SCN8A: variants seen among roughly 807,000 people sequenced by gnomAD.
SCN8A encodes the protein sodium channel protein type 8 subunit alpha.
Under a neutral mutation model 184.1 loss-of-function variants are expected in SCN8A, and 30 were observed. The ratio of observed to expected loss-of-function variants is 0.16; its 90% CI spans 0.12 to 0.22. The LOEUF (loss-of-function observed/expected upper bound fraction) is 0.22. Among genes scored for constraint, SCN8A ranks in the 10% least tolerant of loss-of-function variants. The pLI, the probability that SCN8A is intolerant of heterozygous loss-of-function variation, is 1.00. For missense variants in SCN8A, 1,057 were observed against 2,498.9 expected (o/e 0.42, Z 12.30); for synonymous variants, 852 against 907.0 (o/e 0.94, Z 1.09).
chr12:51,705,330 C>T (rs1941764750), intron 9 of SCN8A, 87 bp from the exon 10 acceptor site: 1 of 1,210,324 alleles, frequency 8.3e-7, no homozygotes, highest in East Asian at 2.4e-5. Flanking sequence ...GCAAATAGTG[C>T]CCTTACAGAG....
intron 1 of SCN8A, among the ~76,000 whole-genome samples, chr12:51,642,439 A>G (rs931907471): frequency 2.6e-5 from 4 of 152,176 alleles, no homozygotes; most frequent in Admixed American, 2.6e-4. Context: ...ATGAGGTTGC[A>G]TTAATTTGTA....
intron 1 of SCN8A, among the ~76,000 whole-genome samples, chr12:51,642,352 C>A (rs1940474555): frequency 6.6e-6 from 1 of 152,152 alleles, no homozygotes; most frequent in Non-Finnish European, 1.5e-5. Flanking sequence ...AATATTTGCT[C>A]CTTTAAACTC....
At chr12:51,690,059 G>A (rs1159830732) in intron 6 of SCN8A, 1 of 152,160 alleles carries the variant, frequency 6.6e-6, no homozygotes, top group South Asian at 2.1e-4. Context: ...TTGCTACTGG[G>A]TAATACTTAT....
chr12:51,647,447 C>T (rs964404756), intron 1 of SCN8A, among the ~76,000 whole-genome samples: 5 of 152,002 alleles, frequency 3.3e-5, no homozygotes, highest in Non-Finnish European at 7.4e-5. Flanking sequence ...TGGAGTGAGA[C>T]GTAGGAAGGA....
At chr12:51,756,121 A>T (rs569798163) in intron 14 of SCN8A, among the ~76,000 whole-genome samples, 29 of 149,968 alleles carry the variant, frequency 1.9e-4, no homozygotes, top group Non-Finnish European at 7.4e-5. Flanking sequence ...CCCACACCAG[A>T]CTCTCCCCTG....
At chr12:51,605,209 C>T (rs1375188023) in intron 1 of SCN8A, among the ~76,000 whole-genome samples, 2 of 150,544 alleles carry the variant, frequency 1.3e-5, no homozygotes, top group Admixed American at 6.6e-5. Context: ...TTTGGTGTAC[C>T]CATCACCTGA....
At chr12:51,789,462 G>C in intron 24 of SCN8A, 44 bp downstream of exon 24, 2 of 1,599,590 alleles carry the variant, frequency 1.3e-6, no homozygotes, top group Non-Finnish European at 1.7e-6. Context: ...AGTCAGCCCA[G>C]ATAAGAGGCA....
chr12:51,612,929 G>T (rs1939753678), intron 1 of SCN8A, among the ~76,000 whole-genome samples: 1 of 152,000 alleles, frequency 6.6e-6, no homozygotes, highest in African/African-American at 2.4e-5. Context: ...CACCATATTG[G>T]CCAGACTGGT....
intron 12 of SCN8A, among the ~76,000 whole-genome samples, chr12:51,733,436 T>C (rs959711515): frequency 2.0e-5 from 3 of 152,242 alleles, no homozygotes; most frequent in Admixed American, 6.5e-5. Context: ...CTTTTTAATG[T>C]GTTGTTGAAC....
rs1218272463 is a variant in SCN8A, at chr12:51,762,568, T to C, written c.2436T>C (p.Tyr812=). The change falls in exon 15 of 27, where the codon TAT becomes TAC. Residue 812 remains tyrosine, a synonymous_variant. Transcript: ENST00000627620. ...TCATAGCCATGGATCCCTACTATTA[T>C]TTCCAAGAAGGTTGGAACATTTTTG... is the stretch of plus-strand genomic sequence containing the variant. The part of the protein sequence containing the change: ...LKLIAMDPYY[Y]FQEGWNIFDG... The C allele has an allele frequency of 6.2e-7, 1 of 1,613,552 alleles. No individual in the cohort carries two copies. The highest frequency in any genetic ancestry group is 8.5e-7 in the Non-Finnish European group (1 of 1,179,726).
At chr12:51,699,132 T>C (rs1019127114) in intron 6 of SCN8A, among the ~76,000 whole-genome samples, 32 of 152,222 alleles carry the variant, frequency 2.1e-4, no homozygotes, top group Non-Finnish European at 3.5e-4. Flanking sequence ...CAGAGAAGGC[T>C]TTCTGGAAGA....
At chr12:51,661,033 TAGGG>T (rs1431110064) in intron 1 of SCN8A, among the ~76,000 whole-genome samples, 2 of 152,150 alleles carry the variant, frequency 1.3e-5, no homozygotes, top group Non-Finnish European at 2.9e-5. Flanking sequence ...CTATTCCTGT[TAGGG>T]AGTAGTGGGA....
intron 1 of SCN8A, among the ~76,000 whole-genome samples, chr12:51,648,319 C>T (rs1592353629): frequency 6.6e-6 from 1 of 152,324 alleles, no homozygotes; most frequent in South Asian, 2.1e-4. Flanking sequence ...CCTCCTGCCT[C>T]AGCCTCCTCA....
rs182594940 is a variant in SCN8A at position 51,812,292 on chromosome 12, T to C, written c.*4863T>C. On this transcript the variant is annotated 3_prime_UTR_variant, in exon 27 of 27. Transcript: ENST00000627620. Reference sequence around the variant, plus strand: ...TGGTTCCAGAAAAGGGACAGAACTGTGTTCTGTCCCTAGCTTGACCGCTGG... The same window carrying C: ...TGGTTCCAGAAAAGGGACAGAACTGCGTTCTGTCCCTAGCTTGACCGCTGG... 1 of 153,966 alleles carries C rather than the reference T, an allele frequency of 6.5e-6. No individual in the cohort carries two copies. Among genetic ancestry groups the C allele is most frequent in the African/African-American group, 2.4e-5 (1 of 41,358 alleles). 9.5% of individuals were successfully genotyped at this position (153,966 alleles called of 1,614,324 possible). A position where few individuals can be genotyped will look rare whatever the true frequency, so the allele number is the denominator to read the frequency against.
chr12:51,779,674 G>A (rs1006691163), intron 20 of SCN8A, among the ~76,000 whole-genome samples: 1 of 152,074 alleles, frequency 6.6e-6, no homozygotes, highest in African/African-American at 2.4e-5. Context: ...TCTTGTGTAC[G>A]GGTCTCAATT....
At chr12:51,652,826 A>C (rs1336294937) in intron 1 of SCN8A, among the ~76,000 whole-genome samples, 1 of 152,184 alleles carries the variant, frequency 6.6e-6, no homozygotes, top group African/African-American at 2.4e-5. Context: ...CTTTATTGGA[A>C]GATTTACCAT....
At chr12:51,644,029 C>G (rs1338471578) in intron 1 of SCN8A, among the ~76,000 whole-genome samples, 2 of 152,180 alleles carry the variant, frequency 1.3e-5, no homozygotes, top group Non-Finnish European at 2.9e-5. Flanking sequence ...TTACTTTATT[C>G]AACACATAAT....
intron 12 of SCN8A, among the ~76,000 whole-genome samples, chr12:51,724,716 T>C (rs1326502572): frequency 1.3e-5 from 2 of 152,250 alleles, no homozygotes; most frequent in Non-Finnish European, 2.9e-5. Flanking sequence ...AATTTTGATA[T>C]ACTGGCAGTT....
chr12:51,776,972 G>A (rs1035720657), intron 20 of SCN8A, among the ~76,000 whole-genome samples: 2 of 152,158 alleles, frequency 1.3e-5, no homozygotes, highest in Non-Finnish European at 2.9e-5. Flanking sequence ...TCCCAAACAA[G>A]GAAAACATTC....
Sources: gnomAD v4.1 joint callset for allele counts (sites outside exome capture counted in the v4.1 genomes callset) on GRCh38, gnomAD v4.1.1 for gene constraint, MANE v1.5 for transcripts, NCBI Gene and HGNC (gene_info 2026-07-23, HGNC 2026-07-21) for gene names.